EVI5: variants seen among roughly 807,000 people sequenced by gnomAD.
EVI5 encodes the protein ecotropic viral integration site 5.
A neutral mutation model predicts 112.0 loss-of-function variants in EVI5; 73 were observed. The ratio of observed to expected loss-of-function variants is 0.65; its 90% CI spans 0.54 to 0.79. The LOEUF is 0.79. Among genes scored for constraint, EVI5 ranks in the 30% least tolerant of loss-of-function variants. The pLI, the probability that EVI5 is intolerant of heterozygous loss-of-function variation, is 0.00. For missense variants in EVI5, 900 were observed against 968.8 expected (o/e 0.93, Z 0.94); for synonymous variants, 305 against 319.9 (o/e 0.95, Z 0.50).
intron 13 of EVI5, among the ~76,000 whole-genome samples, chr1:92,657,099 C>A (rs1172323221): frequency 6.6e-6 from 1 of 152,114 alleles, no homozygotes; most frequent in East Asian, 1.9e-4. Flanking sequence ...AGACCAATAT[C>A]TCTGATGAAC....
intron 18 of EVI5, among the ~76,000 whole-genome samples, chr1:92,599,019 T>A (rs956894735): frequency 6.6e-6 from 1 of 151,832 alleles, no homozygotes; most frequent in Non-Finnish European, 1.5e-5. Flanking sequence ...TGAAAATAAA[T>A]TTAATAAATT....
At chr1:92,733,876 T>A (rs1213464526) in intron 2 of EVI5, among the ~76,000 whole-genome samples, 2 of 152,188 alleles carry the variant, frequency 1.3e-5, no homozygotes, top group Admixed American at 6.5e-5. Context: ...GTTGACTGGC[T>A]GTAGCACTGC....
chr1:92,538,293 T>C (rs887306303), intron 19 of EVI5, among the ~76,000 whole-genome samples: 2 of 152,176 alleles, frequency 1.3e-5, no homozygotes, highest in Non-Finnish European at 2.9e-5. Context: ...TTATGACCAA[T>C]TACAGGAAAT....
intron 1 of EVI5, chr1:92,756,090 TGAA>T (rs1344493338): frequency 7.2e-6 from 2 of 276,824 alleles, no homozygotes; most frequent in African/African-American, 2.2e-5. Context: ...CAAGTAAATC[TGAA>T]GAAAAAGAAG....
chr1:92,517,947 GAGTGC>G (rs1660216390), intron 19 of EVI5, among the ~76,000 whole-genome samples: 1 of 148,214 alleles, frequency 6.7e-6, no homozygotes, highest in Non-Finnish European at 1.5e-5. Context: ...GCCCAGGCTG[GAGTGC>G]AGTGGTGCAA....
At chr1:92,549,145 CAG>C (rs534885915) in intron 19 of EVI5, among the ~76,000 whole-genome samples, 2,053 of 152,138 alleles carry the variant, frequency 0.013, 20 homozygotes, top group Middle Eastern at 0.027. Flanking sequence ...GGTACCAAAA[CAG>C]AGATATAGAT....
At chr1:92,586,885 G>A (rs980202069) in intron 18 of EVI5, among the ~76,000 whole-genome samples, 1 of 151,916 alleles carries the variant, frequency 6.6e-6, no homozygotes, top group African/African-American at 2.4e-5. Flanking sequence ...CTTCACTGGA[G>A]AATGGTATTA....
chr1:92,551,951 G>T (rs1042963639), intron 19 of EVI5, among the ~76,000 whole-genome samples: 1 of 152,060 alleles, frequency 6.6e-6, no homozygotes. Flanking sequence ...AAGAGTAATT[G>T]TTGGGACCAT....
chr1:92,520,488 C>T (rs899207995), intron 19 of EVI5, among the ~76,000 whole-genome samples: 2 of 152,102 alleles, frequency 1.3e-5, no homozygotes, highest in Non-Finnish European at 1.5e-5. Flanking sequence ...TCTGTGGGTT[C>T]ATGGTGGGGG....
intron 16 of EVI5, among the ~76,000 whole-genome samples, chr1:92,611,088 AAAGTAT>A (rs1189945703): frequency 1.4e-5 from 2 of 147,406 alleles, no homozygotes. Context: ...CCTAAAACTT[AAAGTAT>A]AATAAAAAAT....
intron 5 of EVI5, among the ~76,000 whole-genome samples, chr1:92,698,693 C>T (rs181111901): frequency 1.1e-3 from 165 of 152,298 alleles, no homozygotes; most frequent in African/African-American, 3.8e-3. Flanking sequence ...GTAGAGGCCA[C>T]TGTAAGGATT....
chr1:92,578,347 T>A (rs746596916), intron 18 of EVI5, among the ~76,000 whole-genome samples: 1 of 152,160 alleles, frequency 6.6e-6, no homozygotes, highest in Non-Finnish European at 1.5e-5. Context: ...ATCCTCTTTT[T>A]TTTGGCATGG....
intron 17 of EVI5, among the ~76,000 whole-genome samples, chr1:92,606,437 A>T (rs1650400023): frequency 6.6e-6 from 1 of 152,234 alleles, no homozygotes; most frequent in South Asian, 2.1e-4. Flanking sequence ...GCATCATAAA[A>T]ACTCAATCAG....
chr1:92,732,228 C>A, intron 2 of EVI5: 1 of 258,500 alleles, frequency 3.9e-6, no homozygotes, highest in Admixed American at 5.1e-5. Flanking sequence ...AAACTTGTGG[C>A]AGTTATACGT....
chr1:92,645,102 G>A (rs994876289), intron 13 of EVI5, among the ~76,000 whole-genome samples: 1 of 152,140 alleles, frequency 6.6e-6, no homozygotes, highest in African/African-American at 2.4e-5. Context: ...TCGAAGACCT[G>A]AACTTGTTCA....
At chr1:92,615,243 G>C (rs1205808077) in intron 16 of EVI5, among the ~76,000 whole-genome samples, 4 of 152,202 alleles carry the variant, frequency 2.6e-5, no homozygotes, top group Admixed American at 6.5e-5. Flanking sequence ...ATGTAATGAA[G>C]TTGGTTGGTT....
intron 16 of EVI5, among the ~76,000 whole-genome samples, chr1:92,617,351 T>G (rs1653432420): frequency 6.6e-6 from 1 of 152,166 alleles, no homozygotes; most frequent in South Asian, 2.1e-4. Flanking sequence ...ATTAGAAAAT[T>G]GGTGACAAAG....
chr1:92,629,937 A>C (rs974094094), intron 14 of EVI5, among the ~76,000 whole-genome samples: 5 of 151,394 alleles, frequency 3.3e-5, no homozygotes, highest in Admixed American at 6.6e-5. Context: ...TGTCCTTGTG[A>C]TAGTTTGCTG....
intron 1 of EVI5, among the ~76,000 whole-genome samples, chr1:92,764,751 A>G (rs2103008342): frequency 6.6e-6 from 1 of 152,356 alleles, no homozygotes; most frequent in Admixed American, 6.5e-5. Context: ...TAATATGTCC[A>G]GTATAGTCAT....
Sources: gnomAD v4.1 joint callset for allele counts (sites outside exome capture counted in the v4.1 genomes callset) on GRCh38, gnomAD v4.1.1 for gene constraint, MANE v1.5 for transcripts, NCBI Gene and HGNC (gene_info 2026-07-23, HGNC 2026-07-21) for gene names.